Variants in NEK7 observed in about 807,000 individuals in gnomAD.
The protein encoded by NEK7 is NIMA related kinase 7.
Under a neutral mutation model 44.6 loss-of-function variants are expected in NEK7, and 18 were observed. The ratio of observed to expected loss-of-function variants is 0.40; its 90% CI spans 0.28 to 0.60. The LOEUF (loss-of-function observed/expected upper bound fraction) is 0.60. Among genes scored for constraint, NEK7 ranks in the 20% least tolerant of loss-of-function variants. The probability of loss-of-function intolerance (pLI) is 0.38; values close to 1 mark genes in which losing one functional copy is unlikely to be tolerated. For synonymous variants in NEK7, 130 were observed against 121.1 expected (o/e 1.07, Z -0.48); for missense variants, 256 against 366.5 (o/e 0.70, Z 2.46).
chr1:198,180,122 A>T (rs1231015462), intron 1 of NEK7, among the ~76,000 whole-genome samples: 2 of 152,110 alleles, frequency 1.3e-5, no homozygotes, highest in Non-Finnish European at 2.9e-5. Context: ...GAGTACATAT[A>T]AACATAAAAT....
intron 2 of NEK7, among the ~76,000 whole-genome samples, chr1:198,247,569 C>T (rs1003830790): frequency 6.6e-6 from 1 of 152,070 alleles, no homozygotes; most frequent in Non-Finnish European, 1.5e-5. Context: ...TCTTATGGAC[C>T]TATACTTATG....
At chr1:198,205,790 G>A (rs999660932) in intron 1 of NEK7, among the ~76,000 whole-genome samples, 1 of 151,970 alleles carries the variant, frequency 6.6e-6, no homozygotes, top group Non-Finnish European at 1.5e-5. Context: ...TACAGAGTAA[G>A]AGCGAATAAA....
intron 9 of NEK7, among the ~76,000 whole-genome samples, chr1:198,315,654 A>G (rs1655347216): frequency 6.6e-6 from 1 of 152,224 alleles, no homozygotes; most frequent in Admixed American, 6.5e-5. Flanking sequence ...AAAAGGTTTA[A>G]GGAGCCTGAG....
At chr1:198,213,906 A>G (rs948867275) in intron 1 of NEK7, among the ~76,000 whole-genome samples, 2 of 152,190 alleles carry the variant, frequency 1.3e-5, no homozygotes, top group Admixed American at 6.5e-5. Flanking sequence ...AACCCAGTGT[A>G]TAAAATATTG....
At chr1:198,302,982 C>T (rs1029628540) in intron 9 of NEK7, among the ~76,000 whole-genome samples, 1 of 152,074 alleles carries the variant, frequency 6.6e-6, no homozygotes, top group Non-Finnish European at 1.5e-5. Flanking sequence ...TTATTTTTCT[C>T]CTCTCTGTTC....
chr1:198,315,544 T>G (rs921383761), intron 9 of NEK7, among the ~76,000 whole-genome samples: 1 of 151,690 alleles, frequency 6.6e-6, no homozygotes, highest in African/African-American at 2.4e-5. Flanking sequence ...CCTGGCTAGT[T>G]AGGCAGTGCT....
intron 1 of NEK7, among the ~76,000 whole-genome samples, chr1:198,211,516 T>C (rs1665769476): frequency 6.6e-6 from 1 of 152,200 alleles, no homozygotes; most frequent in Non-Finnish European, 1.5e-5. Context: ...TTTCATTATT[T>C]TGAGGTGTTT....
intron 1 of NEK7, among the ~76,000 whole-genome samples, chr1:198,205,414 C>T (rs1189562177): frequency 6.6e-6 from 1 of 152,156 alleles, no homozygotes; most frequent in Non-Finnish European, 1.5e-5. Context: ...GGTCCTACTT[C>T]AGACTTACCT....
In NEK7 at chr1:198,277,358, C is replaced by A. The variant is rs189603790; in HGVS notation, c.373-603C>A. Reference sequence around the variant, plus strand: ...CTAAGTAGCCTATTGGTGCTGTCAGCTTTTTGCCTGGGCATTCCTGTAAGG... The same window carrying A: ...CTAAGTAGCCTATTGGTGCTGTCAGATTTTTGCCTGGGCATTCCTGTAAGG... On this transcript the variant is annotated intron_variant, in intron 5 of 9. Transcript: ENST00000367385. Among the ~76,000 whole-genome samples, 3 of 151,878 alleles carry A rather than the reference C, an allele frequency of 2.0e-5. No homozygotes were observed. The East Asian group carries it at 5.8e-4, about 29-fold the overall frequency.
At chr1:198,276,371 C>T (rs1396886576) in intron 5 of NEK7, among the ~76,000 whole-genome samples, 1 of 151,682 alleles carries the variant, frequency 6.6e-6, no homozygotes, top group African/African-American at 2.4e-5. Context: ...TGGTCCCCAT[C>T]TTCCTGTTGA....
intron 9 of NEK7, 146 bp from the exon 10 acceptor site, chr1:198,319,266 T>C: frequency 3.5e-6 from 2 of 567,364 alleles, no homozygotes. Flanking sequence ...GGCAGCAGTC[T>C]TATATATATT....
chr1:198,311,346 T>C (rs1403111134), intron 9 of NEK7, among the ~76,000 whole-genome samples: 1 of 152,134 alleles, frequency 6.6e-6, no homozygotes, highest in Non-Finnish European at 1.5e-5. Context: ...GCCTGAGACA[T>C]TGGGTTTTTG....
At chr1:198,187,568 G>A (rs1014922278) in intron 1 of NEK7, among the ~76,000 whole-genome samples, 5 of 152,178 alleles carry the variant, frequency 3.3e-5, no homozygotes, top group Non-Finnish European at 7.3e-5. Flanking sequence ...GAAAGAGACA[G>A]TAGCAATATC....
intron 1 of NEK7, among the ~76,000 whole-genome samples, chr1:198,211,829 G>T (rs1280850182): frequency 6.6e-6 from 1 of 152,146 alleles, no homozygotes; most frequent in African/African-American, 2.4e-5. Flanking sequence ...AGCAACACCG[G>T]AACTTAACAG....
chr1:198,261,668 T>G (rs1653474761), intron 3 of NEK7, among the ~76,000 whole-genome samples: 1 of 151,944 alleles, frequency 6.6e-6, no homozygotes, highest in African/African-American at 2.4e-5. Flanking sequence ...AGATTTTTTT[T>G]GCAGTCTCTA....
chr1:198,262,178 A>G (rs572461465), intron 3 of NEK7, among the ~76,000 whole-genome samples: 214 of 152,018 alleles, frequency 1.4e-3, no homozygotes, highest in Non-Finnish European at 2.0e-3. Context: ...AGCTTTCTAA[A>G]GCTTCTCTTC....
intron 5 of NEK7, among the ~76,000 whole-genome samples, chr1:198,266,668 G>A (rs1032734667): frequency 6.6e-6 from 1 of 151,898 alleles, no homozygotes; most frequent in Non-Finnish European, 1.5e-5. Flanking sequence ...CAATAAAATT[G>A]GGTCAGTAAT....
At chr1:198,230,949 C>G (rs1245315177) in intron 1 of NEK7, among the ~76,000 whole-genome samples, 3 of 151,738 alleles carry the variant, frequency 2.0e-5, no homozygotes, top group African/African-American at 7.3e-5. Context: ...GGTTTGAAGA[C>G]CCCATATTAT....
chr1:198,201,832 C>T (rs6690957), intron 1 of NEK7, among the ~76,000 whole-genome samples: 22,653 of 152,014 alleles, frequency 0.15, 1,864 homozygotes, highest in East Asian at 0.22. Flanking sequence ...GCATGTCTTC[C>T]GACATAGTGA....
Sources: gnomAD v4.1 joint callset for allele counts (sites outside exome capture counted in the v4.1 genomes callset) on GRCh38, gnomAD v4.1.1 for gene constraint, MANE v1.5 for transcripts, NCBI Gene and HGNC (gene_info 2026-07-23, HGNC 2026-07-21) for gene names.